The following SAMD12 variants were observed in gnomAD, a reference collection of about 807,000 sequenced individuals.
SAMD12 encodes the protein sterile alpha motif domain-containing protein 12.
SAMD12 carries 9 observed loss-of-function variants against 15.0 expected under a neutral mutation model. The ratio of observed to expected loss-of-function variants is 0.60; its 90% CI spans 0.36 to 1.05. The LOEUF is 1.05. Ranked by LOEUF, SAMD12 falls within the 50% of genes least tolerant of loss-of-function variation. The probability of loss-of-function intolerance (pLI) is 0.01; values close to 1 mark genes in which losing one functional copy is unlikely to be tolerated. For synonymous variants in SAMD12, 86 were observed against 90.1 expected (o/e 0.96, Z 0.25); for missense variants, 230 against 234.2 (o/e 0.98, Z 0.12).
At chr8:118,234,427 T>A (rs1433510419) in intron 4 of SAMD12, among the ~76,000 whole-genome samples, 1 of 152,148 alleles carries the variant, frequency 6.6e-6, no homozygotes, top group Non-Finnish European at 1.5e-5. Flanking sequence ...CACTTGCTGC[T>A]GTCTTCCTGA....
intron 4 of SAMD12, among the ~76,000 whole-genome samples, chr8:118,252,824 C>A (rs1179654784): frequency 6.6e-6 from 1 of 152,158 alleles, no homozygotes; most frequent in Non-Finnish European, 1.5e-5. Flanking sequence ...GAGCTGAAAT[C>A]TAAGTCAACT....
At chr8:118,181,994 G>C in the SAMD12 span, among the ~76,000 whole-genome samples, 17 of 152,156 alleles carry the variant, frequency 1.1e-4, 1 homozygote, top group Admixed American at 1.1e-3. Flanking sequence ...CATAAACTGA[G>C]ACCACATTAT....
the SAMD12 span, among the ~76,000 whole-genome samples, chr8:118,147,904 T>C: frequency 1.3e-5 from 2 of 149,032 alleles, no homozygotes; most frequent in Non-Finnish European, 3.0e-5. Context: ...TTGCTGAATT[T>C]TTTTTTTCTG....
At chr8:118,162,793 T>C in the SAMD12 span, among the ~76,000 whole-genome samples, 1 of 152,080 alleles carries the variant, frequency 6.6e-6, no homozygotes, top group Non-Finnish European at 1.5e-5. Flanking sequence ...GGTTGGTAAA[T>C]TATGAAATGC....
At chr8:118,144,784 C>T in the SAMD12 span, among the ~76,000 whole-genome samples, 2 of 152,072 alleles carry the variant, frequency 1.3e-5, no homozygotes, top group African/African-American at 4.8e-5. Context: ...GTGAGAAAAA[C>T]GAGGATGCGT....
At chr8:118,308,226 T>C (rs140956693) in intron 4 of SAMD12, among the ~76,000 whole-genome samples, 164 of 152,338 alleles carry the variant, frequency 1.1e-3, no homozygotes, top group African/African-American at 3.5e-3. Context: ...GGGAACCTGA[T>C]ACAGGCTGTT....
intron 2 of SAMD12, among the ~76,000 whole-genome samples, chr8:118,511,663 T>C (rs975945658): frequency 6.6e-6 from 1 of 152,144 alleles, no homozygotes; most frequent in East Asian, 1.9e-4. Flanking sequence ...AAAAGACCAT[T>C]AAAAATATTT....
At chr8:118,460,887 C>CA (rs1823398257) in intron 2 of SAMD12, among the ~76,000 whole-genome samples, 1 of 152,182 alleles carries the variant, frequency 6.6e-6, no homozygotes, top group Non-Finnish European at 1.5e-5. Flanking sequence ...GCAAAACTGA[C>CA]ATGACGGCAC....
chr8:118,556,695 T>C (rs1826541444), intron 2 of SAMD12, among the ~76,000 whole-genome samples: 1 of 152,186 alleles, frequency 6.6e-6, no homozygotes, highest in Non-Finnish European at 1.5e-5. Context: ...CTGGGTGCGG[T>C]GGCTCATGCC....
intron 3 of SAMD12, among the ~76,000 whole-genome samples, chr8:118,432,231 A>G (rs1298733093): frequency 1.3e-5 from 2 of 152,276 alleles, no homozygotes; most frequent in East Asian, 1.9e-4. Context: ...CATCTGTGTC[A>G]TATCTGAATC....
At chr8:118,150,371 G>A in the SAMD12 span, among the ~76,000 whole-genome samples, 1 of 151,832 alleles carries the variant, frequency 6.6e-6, no homozygotes, top group Admixed American at 6.6e-5. Context: ...ACAGTACATC[G>A]TTATTATTGT....
intron 4 of SAMD12, among the ~76,000 whole-genome samples, chr8:118,199,405 G>A (rs1819650825): frequency 6.6e-6 from 1 of 152,204 alleles, no homozygotes; most frequent in African/African-American, 2.4e-5. Context: ...GGGCAGTACA[G>A]CCTGAAAGAA....
At chr8:118,273,542 T>C (rs953187480) in intron 4 of SAMD12, among the ~76,000 whole-genome samples, 6 of 152,152 alleles carry the variant, frequency 3.9e-5, no homozygotes, top group Non-Finnish European at 8.8e-5. Flanking sequence ...AATAACAGAC[T>C]GGACAAAGTA....
intron 2 of SAMD12, among the ~76,000 whole-genome samples, chr8:118,534,708 G>A (rs977502596): frequency 3.3e-5 from 5 of 151,932 alleles, no homozygotes; most frequent in Non-Finnish European, 5.9e-5. Context: ...TTCAATCACT[G>A]ATACCCTGTC....
At chr8:118,365,456 G>C in intron 4 of SAMD12, among the ~76,000 whole-genome samples, 1 of 152,148 alleles carries the variant, frequency 6.6e-6, no homozygotes, top group Non-Finnish European at 1.5e-5. Context: ...AAAAAGTGGA[G>C]AAGGACAACT....
intron 4 of SAMD12, among the ~76,000 whole-genome samples, chr8:118,246,877 C>T (rs1012656515): frequency 1.3e-5 from 2 of 152,036 alleles, no homozygotes; most frequent in Non-Finnish European, 2.9e-5. Context: ...AAACTACGTT[C>T]ATGAGAAATT....
At chr8:118,475,421 C>T (rs1451090486) in intron 2 of SAMD12, among the ~76,000 whole-genome samples, 3 of 152,168 alleles carry the variant, frequency 2.0e-5, no homozygotes, top group African/African-American at 7.2e-5. Flanking sequence ...GCCTGCAGAA[C>T]TGTGAGCCAA....
chr8:118,348,855 C>A (rs1473247224), intron 4 of SAMD12, among the ~76,000 whole-genome samples: 2 of 152,194 alleles, frequency 1.3e-5, no homozygotes, highest in Non-Finnish European at 2.9e-5. Flanking sequence ...GTGGAGTTGG[C>A]CCACCTGGGC....
chr8:118,238,554 T>C (rs1363231111), intron 4 of SAMD12, among the ~76,000 whole-genome samples: 1 of 152,100 alleles, frequency 6.6e-6, no homozygotes, highest in Admixed American at 6.6e-5. Context: ...AAAGGCTATC[T>C]CCTTGTGCTG....
Sources: gnomAD v4.1 joint callset for allele counts (sites outside exome capture counted in the v4.1 genomes callset) on GRCh38, gnomAD v4.1.1 for gene constraint, MANE v1.5 for transcripts, NCBI Gene and HGNC (gene_info 2026-07-23, HGNC 2026-07-21) for gene names.